Variants in LRRC4C observed in about 807,000 individuals in gnomAD.
The protein encoded by LRRC4C is leucine-rich repeat-containing protein 4C.
LRRC4C carries 5 observed loss-of-function variants against 33.6 expected under a neutral mutation model. The ratio of observed to expected loss-of-function variants is 0.15; its 90% confidence interval spans 0.08 to 0.31. LRRC4C has a LOEUF of 0.31. LRRC4C is among the 10% of genes least tolerant of loss of function. The pLI, the probability that LRRC4C is intolerant of heterozygous loss-of-function variation, is 1.00. For synonymous variants in LRRC4C, 329 were observed against 302.0 expected (o/e 1.09, Z -0.93); for missense variants, 560 against 796.7 (o/e 0.70, Z 3.58).
rs899907015 is a variant in LRRC4C, at chr11:41,442,190, T to C, written c.-496+17241A>G. On this transcript the variant is annotated intron_variant, in intron 1 of 6. Coordinates refer to ENST00000528697, the MANE Select transcript of LRRC4C (RefSeq NM_001258419.2). ...TATTAGCATATTTGTGCATACTGCATTTTTCATATTTCCTTAGGATAAATT... is the reference window on the plus strand; with the variant it reads ...TATTAGCATATTTGTGCATACTGCACTTTTCATATTTCCTTAGGATAAATT... Among the ~76,000 whole-genome samples the C allele has an allele frequency of 2.3e-4, 35 of 151,980 alleles. 1 individual carries two copies. Among genetic ancestry groups the C allele is most frequent in the Non-Finnish European group, 2.9e-5 (2 of 67,986 alleles).
chr11:40,410,470 A>T (rs1277507570), intron 3 of LRRC4C, among the ~76,000 whole-genome samples: 1 of 152,120 alleles, frequency 6.6e-6, no homozygotes, highest in Admixed American at 6.6e-5. Context: ...CAGCTACCGT[A>T]ATGAACACTG....
intron 2 of LRRC4C, among the ~76,000 whole-genome samples, chr11:40,826,726 C>G (rs974924719): frequency 2.6e-5 from 4 of 151,918 alleles, no homozygotes; most frequent in African/African-American, 4.8e-5. Flanking sequence ...TCAAGTAGTC[C>G]TGATATCTTG....
chr11:40,757,916 G>C (rs1003002241), intron 2 of LRRC4C, among the ~76,000 whole-genome samples: 80 of 152,088 alleles, frequency 5.3e-4, no homozygotes, highest in African/African-American at 1.7e-3. Flanking sequence ...AACATTTCTT[G>C]ACAAGATACT....
intron 2 of LRRC4C, among the ~76,000 whole-genome samples, chr11:40,661,357 A>G (rs1033594261): frequency 2.0e-5 from 3 of 152,196 alleles, no homozygotes; most frequent in Non-Finnish European, 4.4e-5. Context: ...GAAAGCATCA[A>G]AACAAGATGT....
At chr11:41,454,242 T>A (rs1469454548) in intron 1 of LRRC4C, among the ~76,000 whole-genome samples, 1 of 152,154 alleles carries the variant, frequency 6.6e-6, no homozygotes, top group East Asian at 1.9e-4. Flanking sequence ...GCTTTTTACA[T>A]CTTTTCTGAT....
intron 3 of LRRC4C, among the ~76,000 whole-genome samples, chr11:40,401,048 G>T (rs1949738873): frequency 6.6e-6 from 1 of 152,104 alleles, no homozygotes; most frequent in African/African-American, 2.4e-5. Flanking sequence ...ATGGTTGATT[G>T]CTGTTTGCAA....
intron 1 of LRRC4C, among the ~76,000 whole-genome samples, chr11:40,996,555 T>C: frequency 6.6e-6 from 1 of 152,044 alleles, no homozygotes; most frequent in East Asian, 1.9e-4. Context: ...ATAGGACCTG[T>C]AGTAGAGGTT....
At chr11:41,198,185 A>G (rs992334064) in intron 1 of LRRC4C, among the ~76,000 whole-genome samples, 1 of 151,988 alleles carries the variant, frequency 6.6e-6, no homozygotes, top group African/African-American at 2.4e-5. Flanking sequence ...TTAAAACCAT[A>G]CTATTATTCC....
chr11:40,891,999 G>T (rs906333219), intron 2 of LRRC4C, among the ~76,000 whole-genome samples: 5 of 151,932 alleles, frequency 3.3e-5, no homozygotes, highest in African/African-American at 1.2e-4. Context: ...GCCGGGCGTG[G>T]TGGTGGGCAC....
At chr11:41,449,827 T>A (rs1371872273) in intron 1 of LRRC4C, among the ~76,000 whole-genome samples, 1 of 151,800 alleles carries the variant, frequency 6.6e-6, no homozygotes, top group Non-Finnish European at 1.5e-5. Context: ...GAAGTAGAGC[T>A]GACTCTCTTC....
chr11:40,387,439 G>A (rs1376158086), intron 3 of LRRC4C, among the ~76,000 whole-genome samples: 1 of 152,174 alleles, frequency 6.6e-6, no homozygotes, highest in African/African-American at 2.4e-5. Flanking sequence ...GATAAATGCA[G>A]TCATAGGTTT....
At chr11:41,253,064 C>T (rs368186237) in intron 1 of LRRC4C, among the ~76,000 whole-genome samples, 240 of 152,244 alleles carry the variant, frequency 1.6e-3, no homozygotes, top group African/African-American at 5.7e-3. Flanking sequence ...TCAAGACGAT[C>T]ATTCACATGG....
intron 2 of LRRC4C, among the ~76,000 whole-genome samples, chr11:40,806,455 G>C (rs1435244326): frequency 6.6e-6 from 1 of 152,158 alleles, no homozygotes; most frequent in East Asian, 1.9e-4. Flanking sequence ...GCCCCAAGAG[G>C]GAGACAAGCA....
rs149219623 is a variant in LRRC4C, at chr11:40,582,628, T to A, written c.-270+65514A>T. ...GCCTCCCAGGTTCAAGTGATTCTCC[T>A]GCCTCAGCCTCCCAAGGAGCTGGGA... On this transcript the variant is annotated intron_variant, in intron 3 of 6. Transcript: ENST00000528697. 6.6e-3 allele frequency among the ~76,000 whole-genome samples: 998 copies of A among 151,220 alleles called. 7 individuals are homozygous for A. The highest frequency in any genetic ancestry group is 0.023 in the African/African-American group (947 of 41,232).
At position 40,639,007 on chromosome 11, in the gene LRRC4C, T is replaced by A. The variant is rs151083025; in HGVS notation, c.-270+9135A>T. ...GGCTCCGAAGTTGGTGGCCCTTTGTTAAAGAGATTTCTTTTTCAACTTCAG... is the reference window on the plus strand; with the variant it reads ...GGCTCCGAAGTTGGTGGCCCTTTGTAAAAGAGATTTCTTTTTCAACTTCAG... On this transcript the variant is annotated intron_variant, in intron 3 of 6. Transcript: ENST00000528697. Among the ~76,000 whole-genome samples the A allele has an allele frequency of 9.9e-4, 150 of 152,232 alleles. 1 individual carries two copies. The highest frequency in any genetic ancestry group is 3.5e-3 in the African/African-American group (146 of 41,536).
At chr11:41,036,350 T>C (rs557545189) in intron 1 of LRRC4C, among the ~76,000 whole-genome samples, 3 of 152,300 alleles carry the variant, frequency 2.0e-5, no homozygotes, top group Admixed American at 6.5e-5. Flanking sequence ...AGGTGAATAA[T>C]GACCCAAAGG....
chr11:40,914,855 A>C (rs539073308), intron 2 of LRRC4C, among the ~76,000 whole-genome samples: 1 of 152,328 alleles, frequency 6.6e-6, no homozygotes, highest in African/African-American at 2.4e-5. Context: ...GCAAAGTCTC[A>C]GGATACAAAA....
chr11:40,163,262 G>A (rs971633292), intron 5 of LRRC4C, among the ~76,000 whole-genome samples: 1 of 152,184 alleles, frequency 6.6e-6, no homozygotes, highest in Non-Finnish European at 1.5e-5. Context: ...ACAGCCCAGA[G>A]AGAAAGATAG....
chr11:40,805,357 T>C (rs1951199241), intron 2 of LRRC4C, among the ~76,000 whole-genome samples: 1 of 152,198 alleles, frequency 6.6e-6, no homozygotes, highest in African/African-American at 2.4e-5. Context: ...GTCCTACCAC[T>C]TGACCAATTG....
Sources: allele counts gnomAD v4.1 joint callset (sites outside exome capture counted in the v4.1 genomes callset), GRCh38; gene constraint gnomAD v4.1.1; transcripts MANE v1.5; gene names NCBI Gene and HGNC (gene_info 2026-07-23, HGNC 2026-07-21).